Variants in ADH7 observed in about 807,000 individuals in gnomAD.
ADH7 encodes the protein all-trans-retinol dehydrogenase [NAD(+)] ADH7.
A neutral mutation model predicts 34.4 loss-of-function variants in ADH7; 41 were observed. The observed-to-expected ratio is 1.19, with a 90% confidence interval of 0.93 to 1.55. ADH7 has a LOEUF of 1.55. ADH7 is among the 40% of genes most tolerant of loss of function. ADH7 has a pLI of 0.00. For missense variants in ADH7, 540 were observed against 461.2 expected (o/e 1.17, Z -1.56); for synonymous variants, 180 against 160.9 (o/e 1.12, Z -0.90).
In ADH7 at chr4:99,427,973, C is replaced by G; in HGVS notation, c.364G>C (p.Val122Leu). The G allele has an allele frequency of 1.2e-6, 2 of 1,613,968 alleles. No homozygotes were observed. The highest frequency in any genetic ancestry group is 1.1e-5 in the South Asian group (1 of 91,070). Residue 122 changes from valine (V) to leucine (L), a missense_variant, in exon 5 of 9, where the codon GTA (valine) becomes CTA (leucine). Transcript: ENST00000437033. ...CIRSDITGRG[V>L]LADGTTRFTC... ...AATCTGGTGGTGCCATCAGCCAGTA[C>G]TCCACGACCAGTAATACTGTTTGAT...
At chr4:99,422,481 C>T (rs1487754963) in intron 5 of ADH7, among the ~76,000 whole-genome samples, 1 of 151,962 alleles carries the variant, frequency 6.6e-6, no homozygotes, top group East Asian at 1.9e-4. Context: ...GAGAGGGGAA[C>T]AACACACATC....
Position 99,427,982 on chromosome 4 carries a change from C to A in ADH7, c.355G>T (p.Gly119Cys), listed in dbSNP as rs754185011. The A allele has an allele frequency of 1.2e-6, 2 of 1,613,768 alleles. No individual in the cohort carries two copies. The highest frequency in any genetic ancestry group is 2.7e-5 in the African/African-American group (2 of 74,908). Residue 119 changes from glycine (G) to cysteine (C), a missense_variant, in exon 5 of 9, where the codon GGT becomes TGT. By Grantham distance (159) the Gly-to-Cys change is radical. Transcript: ENST00000437033. The part of the protein sequence containing the change: ...GNLCIRSDIT[G>C]RGVLADGTTR... The stretch of plus-strand genomic sequence containing the variant: ...GTGCCATCAGCCAGTACTCCACGAC[C>A]AGTAATACTGTTTGATACATCAAAT...
chr4:99,435,016 T>A, intron 1 of ADH7, 200 bp downstream of exon 1: 3 of 1,521,428 alleles, frequency 2.0e-6, no homozygotes, highest in Non-Finnish European at 2.7e-6. Flanking sequence ...GATATACTAT[T>A]TCCAACTTAC....
At chr4:99,434,928 G>T in intron 1 of ADH7, 3 of 1,091,594 alleles carry the variant, frequency 2.7e-6, no homozygotes, top group Non-Finnish European at 4.0e-6. Context: ...CAATTGCCCA[G>T]CTATCCGGAA....
intron 7 of ADH7, among the ~76,000 whole-genome samples, chr4:99,416,333 G>A (rs1456498242): frequency 1.3e-5 from 2 of 151,808 alleles, no homozygotes; most frequent in Admixed American, 6.6e-5. Flanking sequence ...CTCTGATTAC[G>A]CTCTTGCCCC....
At chr4:99,427,680 G>GT (rs11480228) in intron 5 of ADH7, 93 bp downstream of exon 5, 240,383 of 751,030 alleles carry the variant, frequency 0.32, 8,149 homozygotes, top group Middle Eastern at 0.34. Context: ...TCTTTTAAAT[G>GT]TTTTTTTTTT....
intron 1 of ADH7, among the ~76,000 whole-genome samples, chr4:99,431,016 T>A (rs1721927099): frequency 6.6e-6 from 1 of 152,126 alleles, no homozygotes; most frequent in Admixed American, 6.5e-5. Context: ...GCCAGCATAG[T>A]CTCGATCTCC....
At chr4:99,414,547 A>C (rs1159582277) in intron 8 of ADH7, among the ~76,000 whole-genome samples, 1 of 152,098 alleles carries the variant, frequency 6.6e-6, no homozygotes, top group Non-Finnish European at 1.5e-5. Context: ...TCCTTGCCCA[A>C]CCCTCAGAAG....
In ADH7 at chr4:99,428,189, T is replaced by A. The variant is rs1721858269; in HGVS notation, c.260-15A>T. On this transcript the variant is annotated splice_polypyrimidine_tract_variant and intron_variant, in intron 3 of 8. Coordinates refer to ENST00000437033, the MANE Select transcript of ADH7 (RefSeq NM_000673.7). ...GACTTTGTCACCTACAGGAAAAAAA[T>A]CATGATATAAGATGCTGTTCATTAA... 2 of 1,600,532 alleles carry A rather than the reference T, an allele frequency of 1.2e-6. No homozygotes were observed. Among genetic ancestry groups the A allele is most frequent in the Admixed American group, 1.7e-5 (1 of 59,874 alleles).
At position 99,420,392 on chromosome 4, in the gene ADH7, A is replaced by T. The variant is rs549795487; in HGVS notation, c.825+141T>A. The T allele has an allele frequency of 1.2e-5, 12 of 986,610 alleles. No homozygotes were observed. The Admixed American group carries it at 2.6e-4, about 21-fold the overall frequency. The allele number at this position is 986,610 out of a possible 1,614,324, so 61.1% of individuals were successfully genotyped here. ...TTTTAGGCAAAATTGCTATGTGATT[A>T]TCAGTTTTTGCCTGAGTAAAACTGA... On this transcript the variant is annotated intron_variant, in intron 6 of 8. Transcript: ENST00000437033.
At chr4:99,430,802 T>A (rs1399500873) in intron 1 of ADH7, among the ~76,000 whole-genome samples, 2 of 152,158 alleles carry the variant, frequency 1.3e-5, no homozygotes, top group African/African-American at 2.4e-5. Flanking sequence ...TTTTTATTTT[T>A]TTATTATTTT....
At chr4:99,420,886 G>T (rs1416961484) in intron 5 of ADH7, 93 bp from the exon 6 acceptor site, 10 of 1,161,720 alleles carry the variant, frequency 8.6e-6, no homozygotes, top group Non-Finnish European at 9.8e-6. Context: ...AATCATGAGT[G>T]AACTCCCATT....
At chr4:99,428,809 G>C (rs1021423076) in intron 2 of ADH7, among the ~76,000 whole-genome samples, 179 bp from the exon 3 acceptor site, 2 of 152,186 alleles carry the variant, frequency 1.3e-5, no homozygotes, top group Non-Finnish European at 2.9e-5. Flanking sequence ...ATCCCTCTCT[G>C]ACGGAACTTA....
At chr4:99,420,928 G>A in intron 5 of ADH7, 135 bp from the exon 6 acceptor site, 1 of 781,552 alleles carries the variant, frequency 1.3e-6, no homozygotes, top group Non-Finnish European at 2.0e-6. Flanking sequence ...AAAATATCTA[G>A]GAATACAACT....
At chr4:99,415,825 A>T (rs1470350479) in intron 7 of ADH7, 2 of 367,640 alleles carry the variant, frequency 5.4e-6, no homozygotes, top group Non-Finnish European at 9.7e-6. Context: ...CTTTGCAGGG[A>T]CATGGATGAA....
chr4:99,433,241 A>G (rs911793900), intron 1 of ADH7, among the ~76,000 whole-genome samples: 1 of 152,234 alleles, frequency 6.6e-6, no homozygotes, highest in African/African-American at 2.4e-5. Context: ...AAACAATAAT[A>G]GAGGAATGAT....
chr4:99,434,683 G>T (rs1160982450), intron 1 of ADH7, among the ~76,000 whole-genome samples: 2 of 151,980 alleles, frequency 1.3e-5, no homozygotes, highest in African/African-American at 4.8e-5. Flanking sequence ...TGATTTTAAA[G>T]AATTTTTAAA....
At position 99,418,433 on chromosome 4, in the gene ADH7, G is replaced by GA. The variant is rs531294390; in HGVS notation, c.961+552dup. Among the ~76,000 whole-genome samples the GA allele has an allele frequency of 7.2e-5, 11 of 151,902 alleles. No homozygotes were observed. The South Asian group carries it at 1.9e-3, about 26-fold the overall frequency. On this transcript the variant is annotated intron_variant, in intron 7 of 8. Transcript: ENST00000437033. Reference sequence around the variant, plus strand: ...AGAAAACGAGACTTTGTGAAGGAGGGAAAAAAAAGGACTCACTGTGTCACC... The same window carrying GA: ...AGAAAACGAGACTTTGTGAAGGAGGGAAAAAAAAAGGACTCACTGTGTCACC...
At chr4:99,430,791 A>G (rs1180020706) in intron 1 of ADH7, among the ~76,000 whole-genome samples, 2 of 151,990 alleles carry the variant, frequency 1.3e-5, no homozygotes, top group South Asian at 4.2e-4. Flanking sequence ...CATTGTTAAG[A>G]TTTTTATTTT....
Sources: gnomAD v4.1 joint callset for allele counts (sites outside exome capture counted in the v4.1 genomes callset) on GRCh38, gnomAD v4.1.1 for gene constraint, MANE v1.5 for transcripts, NCBI Gene and HGNC (gene_info 2026-07-23, HGNC 2026-07-21) for gene names.